The following AFF2 variants were observed in gnomAD, a reference collection of about 807,000 sequenced individuals.
AFF2 encodes ALF transcription elongation factor 2, also known as AF4/FMR2 family member 2.
AFF2 carries 14 observed loss-of-function variants against 76.9 expected under a neutral mutation model. The observed-to-expected ratio is 0.18, with a 90% confidence interval of 0.12 to 0.28. AFF2 has a LOEUF of 0.28. AFF2 is among the 10% of genes least tolerant of loss of function. The probability of loss-of-function intolerance (pLI) is 1.00; values close to 1 mark genes in which losing one functional copy is unlikely to be tolerated. For synonymous variants in AFF2, 398 were observed against 366.7 expected (o/e 1.09, Z -0.98); for missense variants, 868 against 1,001.1 (o/e 0.87, Z 1.79).
intron 1 of AFF2, among the ~76,000 whole-genome samples, chrX:148,597,601 C>G (rs2053586993): frequency 8.9e-6 from 1 of 111,983 alleles, no homozygotes; most frequent in Admixed American, 9.5e-5. Flanking sequence ...CTTTTTTCAT[C>G]TTAGAACTGC....
intron 1 of AFF2, among the ~76,000 whole-genome samples, chrX:148,523,788 A>G (rs782563140): frequency 1.8e-5 from 2 of 112,184 alleles, no homozygotes; most frequent in African/African-American, 3.2e-5. Flanking sequence ...AGATATTTCA[A>G]CACTGTCGCT....
chrX:148,814,193 T>C (rs781913562), intron 4 of AFF2, among the ~76,000 whole-genome samples: 49 of 111,708 alleles, frequency 4.4e-4, no homozygotes, highest in African/African-American at 1.6e-3. Flanking sequence ...TCTGTAATAA[T>C]ATGGGTACCA....
intron 4 of AFF2, among the ~76,000 whole-genome samples, chrX:148,819,600 C>T (rs782785587): frequency 5.4e-5 from 6 of 111,295 alleles, no homozygotes; most frequent in South Asian, 3.8e-4. Flanking sequence ...TATTTTCTCT[C>T]GGGCTGTGGC....
intron 7 of AFF2, among the ~76,000 whole-genome samples, chrX:148,867,060 C>G (rs782071527): frequency 8.9e-6 from 1 of 112,028 alleles, no homozygotes; most frequent in South Asian, 3.7e-4. Context: ...CATAGGCATT[C>G]CTGTGAATTA....
Position 148,900,922 on chromosome X carries a change from A to G in AFF2, c.1360-3299A>G, listed in dbSNP as rs181936209. 7.1e-5 allele frequency among the ~76,000 whole-genome samples: 8 copies of G among 111,952 alleles called. No homozygotes were observed. The East Asian group carries it at 2.3e-3, about 32-fold the overall frequency. On this transcript the variant is annotated intron_variant, in intron 8 of 20. Coordinates refer to ENST00000370460, the MANE Select transcript of AFF2 (RefSeq NM_002025.4). The stretch of plus-strand genomic sequence containing the variant: ...AATAACTACGTAGGTTTCATACCAC[A>G]ATGTGGCCTCTACTCAGTAAGCCCA...
intron 3 of AFF2, among the ~76,000 whole-genome samples, chrX:148,676,151 C>T (rs782074370): frequency 9.3e-6 from 1 of 107,717 alleles, no homozygotes; most frequent in Non-Finnish European, 1.9e-5. Flanking sequence ...GCTCCGCCTC[C>T]CAGGTTCACG....
chrX:148,988,544 G>A (rs1184790172), intron 20 of AFF2, among the ~76,000 whole-genome samples: 2 of 111,987 alleles, frequency 1.8e-5, no homozygotes, highest in African/African-American at 3.2e-5. Context: ...ATGGTGAAAC[G>A]TCCCAGATGG....
chrX:148,985,285 CTTTTTTTTTTTT>C (rs151339705), intron 19 of AFF2, among the ~76,000 whole-genome samples: 22 of 15,386 alleles, frequency 1.4e-3, no homozygotes, highest in South Asian at 0.011. Flanking sequence ...TGTGCCTGGC[CTTTTTTTTTTTT>C]TTTTTTTTTT....
intron 1 of AFF2, among the ~76,000 whole-genome samples, chrX:148,617,904 A>G (rs2053828885): frequency 8.9e-6 from 1 of 112,133 alleles, no homozygotes; most frequent in Non-Finnish European, 1.9e-5. Flanking sequence ...ATTGAAAGGT[A>G]TCTTTCCACA....
Position 148,550,832 on chromosome X carries a change from A to G in AFF2, c.47+49688A>G, listed in dbSNP as rs190677784. ...TTTCATGTATTTTTCATTCTTCTCT[A>G]TATTGTTACAGTTTAAAGAACATGT... is the stretch of plus-strand genomic sequence containing the variant. On this transcript the variant is annotated intron_variant, in intron 1 of 20. Transcript: ENST00000370460. Among the ~76,000 whole-genome samples, 6 of 110,887 alleles carry G rather than the reference A, an allele frequency of 5.4e-5. No individual in the cohort carries two copies. In the East Asian group the frequency reaches 1.4e-3, roughly 26 times the overall value.
In AFF2 at chrX:148,567,445, G is replaced by A. The variant is rs920784601; in HGVS notation, c.47+66301G>A. On this transcript the variant is annotated intron_variant, in intron 1 of 20. Transcript: ENST00000370460. The stretch of plus-strand genomic sequence containing the variant: ...CACACAGGCATCAAGGCTGCAGCTC[G>A]CATTCCTGTGGTCTGGAGCTCTGGA... Among the ~76,000 whole-genome samples, 6 of 111,835 alleles carry A rather than the reference G, an allele frequency of 5.4e-5. No individual in the cohort carries two copies. The East Asian group carries it at 8.5e-4, about 16-fold the overall frequency.
intron 12 of AFF2, among the ~76,000 whole-genome samples, chrX:148,960,876 G>A (rs888366191): frequency 1.1e-4 from 12 of 111,651 alleles, no homozygotes; most frequent in Non-Finnish European, 1.3e-4. Flanking sequence ...TATTGGAAGA[G>A]GTACCCAAAG....
intron 3 of AFF2, among the ~76,000 whole-genome samples, chrX:148,721,343 G>T (rs781968257): frequency 8.9e-6 from 1 of 111,988 alleles, no homozygotes; most frequent in South Asian, 3.7e-4. Flanking sequence ...TTGGAACACT[G>T]GGGAAAGTCC....
In AFF2 at chrX:148,910,182, GA is replaced by G. The variant is rs782324650; in HGVS notation, c.1397+5926del. On this transcript the variant is annotated intron_variant, in intron 9 of 20. Coordinates refer to ENST00000370460, the MANE Select transcript of AFF2 (RefSeq NM_002025.4). The stretch of plus-strand genomic sequence containing the variant: ...GATTGTCTTTCACAATTCAGGATCA[GA>G]ATCCACTCTGCGTAGGAAATTACGT... Among the ~76,000 whole-genome samples the G allele has an allele frequency of 3.5e-4, 39 of 112,618 alleles. No individual in the cohort carries two copies. In the East Asian group the frequency reaches 0.01, roughly 29 times the overall value.
intron 7 of AFF2, among the ~76,000 whole-genome samples, chrX:148,859,166 C>T (rs2124044156): frequency 9.5e-6 from 1 of 104,823 alleles, no homozygotes; most frequent in Admixed American, 1.1e-4. Flanking sequence ...ATGATACTGG[C>T]ACTACTAGAT....
chrX:148,759,241 T>C (rs1241736584), intron 3 of AFF2, among the ~76,000 whole-genome samples: 1 of 112,168 alleles, frequency 8.9e-6, no homozygotes, highest in Non-Finnish European at 1.9e-5. Context: ...TTTGAGAGAA[T>C]CTTTACAGAA....
chrX:148,981,783 G>C (rs927603802), intron 19 of AFF2, among the ~76,000 whole-genome samples: 3 of 112,358 alleles, frequency 2.7e-5, no homozygotes, highest in Admixed American at 9.4e-5. Context: ...GAATAAAACA[G>C]TCTCTACTGC....
At chrX:148,591,707 T>C (rs960931155) in intron 1 of AFF2, among the ~76,000 whole-genome samples, 1 of 112,209 alleles carries the variant, frequency 8.9e-6, no homozygotes, top group African/African-American at 3.2e-5. Context: ...TTTTGTGTAA[T>C]CTTGCTTTCC....
rs183047723 is a variant in AFF2, at chrX:148,800,267, A to G, written c.1042-9609A>G. Among the ~76,000 whole-genome samples the G allele has an allele frequency of 1.7e-3, 189 of 111,815 alleles. 1 individual carries two copies. The highest frequency in any genetic ancestry group is 2.9e-3 in the Non-Finnish European group (156 of 53,104). ...ATCCACTGGCAATTAAGACAATCCT[A>G]AGTGCGGAGTATAGAGAGTCAATAA... On this transcript the variant is annotated intron_variant, in intron 3 of 20. Coordinates refer to ENST00000370460, the MANE Select transcript of AFF2 (RefSeq NM_002025.4).
Sources: gnomAD v4.1 joint callset for allele counts (sites outside exome capture counted in the v4.1 genomes callset) on GRCh38, gnomAD v4.1.1 for gene constraint, MANE v1.5 for transcripts, NCBI Gene and HGNC (gene_info 2026-07-23, HGNC 2026-07-21) for gene names.